The following GLE1 variants were observed in gnomAD, a reference collection of about 807,000 sequenced individuals.
GLE1 encodes the protein GLE1 RNA export mediator, also known as mRNA export factor GLE1.
Under a neutral mutation model 97.3 loss-of-function variants are expected in GLE1, and 78 were observed. That is an observed-to-expected ratio of 0.80 (90% CI 0.67 to 0.97). The LOEUF is 0.97. Among genes scored for constraint, GLE1 ranks in the 50% least tolerant of loss-of-function variants. The pLI is 0.00. For missense variants in GLE1, 753 were observed against 857.5 expected (o/e 0.88, Z 1.52); for synonymous variants, 302 against 313.4 (o/e 0.96, Z 0.39).
Position 128,527,465 on chromosome 9 carries a change from A to G in GLE1, c.1252A>G (p.Ile418Val), listed in dbSNP as rs765258164. ...TGTTCTCTTCTGGCAGGCCAAAAAGATAAAGATGGACCTCCAGAAGGCTGC... is the reference window on the plus strand; with the variant it reads ...TGTTCTCTTCTGGCAGGCCAAAAAGGTAAAGATGGACCTCCAGAAGGCTGC... ...TNSKDSQAKK[I>V]KMDLQKAATI... Residue 418 changes from isoleucine to valine, a missense_variant, in exon 9 of 16, where the codon ATA (isoleucine) becomes GTA (valine). Transcript: ENST00000309971. 21 of 1,612,452 alleles carry G rather than the reference A, an allele frequency of 1.3e-5. No individual in the cohort carries two copies. Among genetic ancestry groups the G allele is most frequent in the Middle Eastern group, 3.3e-4 (2 of 6,080 alleles).
At position 128,527,186 on chromosome 9, in the gene GLE1, G is replaced by A. The variant is rs775001764; in HGVS notation, c.1137G>A (p.Gln379=). ...CTCTCTTTTATTTCTCAGACCTCCA[G>A]GTGAAGGTACAAGACATTACAATGC... ...GPGGKQNEDL[Q]VKVQDITMQW... The change falls in exon 8 of 16, where the codon CAG becomes CAA. Residue 379 remains glutamine (Q), a synonymous_variant. Transcript: ENST00000309971. 3.8e-6 allele frequency: 6 copies of A among 1,567,828 alleles called. No individual in the cohort carries two copies. In the East Asian group the frequency reaches 1.1e-4, roughly 29 times the overall value.
chr9:128,529,938 G>A (rs909628118), intron 9 of GLE1, among the ~76,000 whole-genome samples: 5 of 152,052 alleles, frequency 3.3e-5, no homozygotes, highest in East Asian at 1.9e-4. Flanking sequence ...CACCACGCCC[G>A]GCTAATTTTT....
chr9:128,533,775 G>A lies in GLE1; in HGVS notation c.1470G>A (p.Glu490=), dbSNP rs778794145. 5 of 1,613,998 alleles carry A rather than the reference G, an allele frequency of 3.1e-6. No homozygotes were observed. In the South Asian group the frequency reaches 4.4e-5, roughly 14 times the overall value. The change falls in exon 11 of 16, where the codon GAG becomes GAA. Residue 490 remains glutamate (E), a synonymous_variant. Coordinates refer to ENST00000309971, the MANE Select transcript of GLE1 (RefSeq NM_001003722.2). ...TATGTTCTCAGAAACAAGGCGAGGAGGAAGTGGCCTCTCACCATGAAGCAG... is the reference window on the plus strand; with the variant it reads ...TATGTTCTCAGAAACAAGGCGAGGAAGAAGTGGCCTCTCACCATGAAGCAG... ...LAEKFVKQGE[E]EVASHHEAAF...
intron 3 of GLE1, among the ~76,000 whole-genome samples, chr9:128,519,437 C>T (rs1164285510): frequency 4.6e-5 from 7 of 152,190 alleles, no homozygotes; most frequent in Non-Finnish European, 8.8e-5. Context: ...ATAGATGGCC[C>T]CCTGCATGTG....
chr9:128,515,111 A>G (rs1846943075), intron 2 of GLE1, among the ~76,000 whole-genome samples: 1 of 152,022 alleles, frequency 6.6e-6, no homozygotes, highest in African/African-American at 2.4e-5. Flanking sequence ...GAGCCACCAC[A>G]CCCGGCCTGA....
rs1404832903 is a variant in GLE1 at position 128,527,220 on chromosome 9, C to G, written c.1171C>G (p.Gln391Glu). The change falls in exon 8 of 16, where the codon CAG becomes GAG. Residue 391 changes from glutamine (Q) to glutamate (E), a missense_variant. Transcript: ENST00000309971. ...ACAAGACATTACAATGCAGTGGTAC[C>G]AGCAGCTGCAGGATGCTTCCATGCA... Reference protein sequence around the residue: ...KVQDITMQWYQQLQDASMQCV... With the variant: ...KVQDITMQWYEQLQDASMQCV... The G allele has an allele frequency of 2.5e-6, 4 of 1,611,056 alleles. No individual in the cohort carries two copies.
At chr9:128,520,416 A>G (rs1589052531) in intron 3 of GLE1, among the ~76,000 whole-genome samples, 1 of 148,000 alleles carries the variant, frequency 6.8e-6, no homozygotes, top group South Asian at 2.1e-4. Context: ...ATATGTATAT[A>G]TATGTATATA....
intron 3 of GLE1, among the ~76,000 whole-genome samples, chr9:128,516,245 A>G (rs764423262): frequency 1.3e-5 from 2 of 152,206 alleles, no homozygotes; most frequent in Admixed American, 6.5e-5. Flanking sequence ...GGCATGAGCC[A>G]CGATGCCCAG....
At chr9:128,539,834 C>T in intron 14 of GLE1, 136 bp downstream of exon 14, 1 of 1,547,282 alleles carries the variant, frequency 6.5e-7, no homozygotes, top group South Asian at 1.2e-5. Context: ...TTTCCTACTC[C>T]AGTCCCTCTC....
intron 1 of GLE1, 64 bp downstream of exon 1, chr9:128,504,968 G>A: frequency 1.8e-6 from 2 of 1,094,212 alleles, no homozygotes; most frequent in Non-Finnish European, 2.8e-6. Flanking sequence ...CTTCTCCCTA[G>A]CCGTTGGCAC....
intron 14 of GLE1, 166 bp downstream of exon 14, chr9:128,539,864 C>G: frequency 6.6e-7 from 1 of 1,513,806 alleles, no homozygotes; most frequent in South Asian, 1.2e-5. Flanking sequence ...TGAATAAATG[C>G]TTTTGAACCT....
chr9:128,514,644 G>T (rs143962278), intron 2 of GLE1, among the ~76,000 whole-genome samples: 1 of 151,992 alleles, frequency 6.6e-6, no homozygotes, highest in Non-Finnish European at 1.5e-5. Flanking sequence ...TGTATGTTTG[G>T]TAGAGACAGA....
chr9:128,504,767 C>T lies in GLE1; in HGVS notation c.-39C>T, dbSNP rs771679317. On this transcript the variant is annotated 5_prime_UTR_variant, in exon 1 of 16. Coordinates refer to ENST00000309971, the MANE Select transcript of GLE1 (RefSeq NM_001003722.2). ...CGGCTGATTCGAGGGCTTGTTTGGT[C>T]AGAAGGGGGGCGTCAGAGAAGCTGC... 2.1e-5 allele frequency: 29 copies of T among 1,354,016 alleles called. No individual in the cohort carries two copies. The highest frequency in any genetic ancestry group is 2.9e-5 in the Non-Finnish European group (27 of 944,062). The allele number at this position is 1,354,016 out of a possible 1,614,324, so 83.9% of individuals were successfully genotyped here. A position where few individuals can be genotyped will look rare whatever the true frequency, so the allele number is the denominator to read the frequency against.
In GLE1 at chr9:128,538,534, C is replaced by T. The variant is rs916855608; in HGVS notation, c.1881+444C>T. 2.6e-5 allele frequency among the ~76,000 whole-genome samples: 4 copies of T among 152,100 alleles called. No homozygotes were observed. In the East Asian group the frequency reaches 5.8e-4, roughly 22 times the overall value. On this transcript the variant is annotated intron_variant, in intron 13 of 15. Transcript: ENST00000309971. ...AATAAAGGCCGGGCACGGTGGCTCA[C>T]GCCTGTAATCCCAGCACTTTGGGAG...
Position 128,541,303 on chromosome 9 carries a change from GT to G in GLE1, c.*134del. 1 of 696,250 alleles carries G rather than the reference GT, an allele frequency of 1.4e-6. No individual in the cohort carries two copies. Among genetic ancestry groups the G allele is most frequent in the East Asian group, 2.6e-5 (1 of 38,414 alleles). 43.1% of individuals were successfully genotyped at this position (696,250 alleles called of 1,614,324 possible). A position where few individuals can be genotyped will look rare whatever the true frequency, so the allele number is the denominator to read the frequency against. ...ATGTATTTTTATGTATTTATGCCTT[GT>G]GACTAGGAGAGGAGATTTTCATGGG... On this transcript the variant is annotated 3_prime_UTR_variant, in exon 16 of 16. Transcript: ENST00000309971.
intron 9 of GLE1, among the ~76,000 whole-genome samples, chr9:128,529,380 C>T (rs779042655): frequency 3.3e-5 from 5 of 152,168 alleles, no homozygotes; most frequent in South Asian, 2.1e-4. Flanking sequence ...GCTGGGCTTA[C>T]CCTTCCACCT....
chr9:128,541,175 A>T lies in GLE1; in HGVS notation c.*5A>T, dbSNP rs1192025353. ...TCCTCCTTCTGGCGCTCCTGATGTCACTCCATCACCCACCATCACCGCTGC... is the reference window on the plus strand; with the variant it reads ...TCCTCCTTCTGGCGCTCCTGATGTCTCTCCATCACCCACCATCACCGCTGC... On this transcript the variant is annotated 3_prime_UTR_variant, in exon 16 of 16. Transcript: ENST00000309971. 1 of 1,504,204 alleles carries T rather than the reference A, an allele frequency of 6.6e-7. No homozygotes were observed. Among genetic ancestry groups the T allele is most frequent in the African/African-American group, 1.4e-5 (1 of 72,764 alleles). 93.2% of individuals were successfully genotyped at this position (1,504,204 alleles called of 1,614,324 possible).
rs902995597 is a variant in GLE1, at chr9:128,522,906, A to G, written c.581+90A>G. 1.5e-5 allele frequency: 21 copies of G among 1,419,756 alleles called. No individual in the cohort carries two copies. In the African/African-American group the frequency reaches 2.9e-4, roughly 20 times the overall value. The allele number at this position is 1,419,756 out of a possible 1,614,324, so 87.9% of individuals were successfully genotyped here. A position where few individuals can be genotyped will look rare whatever the true frequency, so the allele number is the denominator to read the frequency against. On this transcript the variant is annotated intron_variant, in intron 4 of 15. Transcript: ENST00000309971. ...AATTCCAAAGGGAAAGAGTTGAACA[A>G]CTTCTGAGTCCTTAAATATCAAGGT...
In GLE1 at chr9:128,536,389, G is replaced by A; in HGVS notation, c.1681G>A (p.Glu561Lys). 6.2e-7 allele frequency: 1 copy of A among 1,613,930 alleles called. No homozygotes were observed. Among genetic ancestry groups the A allele is most frequent in the African/African-American group, 1.3e-5 (1 of 75,018 alleles). The change falls in exon 12 of 16, where the codon GAG becomes AAG. Residue 561 changes from glutamate (E) to lysine (K), a missense_variant. By Grantham distance (56) the Glu-to-Lys change is moderately conservative. Coordinates refer to ENST00000309971, the MANE Select transcript of GLE1 (RefSeq NM_001003722.2). Reference sequence around the variant, plus strand: ...TTACCAAGTAAAGGATTCCAAAGTGGAGCAGCAAGACAACTTTCTAAAACG... The same window carrying A: ...TTACCAAGTAAAGGATTCCAAAGTGAAGCAGCAAGACAACTTTCTAAAACG... ...LGYQVKDSKV[E>K]QQDNFLKRMS...
Sources: allele counts gnomAD v4.1 joint callset (sites outside exome capture counted in the v4.1 genomes callset), GRCh38; gene constraint gnomAD v4.1.1; transcripts MANE v1.5; gene names NCBI Gene and HGNC (gene_info 2026-07-23, HGNC 2026-07-21).